The following GABRA2 variants were observed in gnomAD, a reference collection of about 807,000 sequenced individuals.
GABRA2 encodes gamma-aminobutyric acid type A receptor subunit alpha2.
In GABRA2, 16 loss-of-function variants were observed where a neutral mutation model predicts 48.7. The observed-to-expected ratio is 0.33, with a 90% CI of 0.22 to 0.50. GABRA2 has a LOEUF of 0.50. GABRA2 is among the 20% of genes least tolerant of loss of function. GABRA2 has a pLI of 0.98. For synonymous variants in GABRA2, 185 were observed against 184.5 expected (o/e 1.00, Z -0.02); for missense variants, 275 against 535.6 (o/e 0.51, Z 4.80).
chr4:46,325,108 T>C (rs1033427368), intron 4 of GABRA2, among the ~76,000 whole-genome samples: 10 of 152,110 alleles, frequency 6.6e-5, no homozygotes, highest in East Asian at 3.9e-4. Context: ...TAGTATGTAG[T>C]AATAAGCTTG....
intron 4 of GABRA2, among the ~76,000 whole-genome samples, chr4:46,330,752 T>C (rs1731215371): frequency 6.6e-6 from 1 of 151,928 alleles, no homozygotes; most frequent in Admixed American, 6.6e-5. Context: ...CATTTGCCTT[T>C]CTGTTTTGGC....
chr4:46,286,711 A>C (rs578161245), intron 8 of GABRA2, among the ~76,000 whole-genome samples: 1 of 152,158 alleles, frequency 6.6e-6, no homozygotes, highest in Non-Finnish European at 1.5e-5. Context: ...AGTATTGTAC[A>C]TAATTTCATG....
intron 3 of GABRA2, among the ~76,000 whole-genome samples, chr4:46,362,293 G>A (rs1713331554): frequency 6.6e-6 from 1 of 152,132 alleles, no homozygotes; most frequent in African/African-American, 2.4e-5. Flanking sequence ...AAAAGCAGGA[G>A]TTTCGCTGCA....
At chr4:46,282,369 C>A (rs192874520) in intron 8 of GABRA2, among the ~76,000 whole-genome samples, 1 of 152,056 alleles carries the variant, frequency 6.6e-6, no homozygotes, top group African/African-American at 2.4e-5. Flanking sequence ...GACTTTGGGA[C>A]GGGAGACATA....
intron 3 of GABRA2, among the ~76,000 whole-genome samples, chr4:46,372,004 A>G (rs1713861367): frequency 6.6e-6 from 1 of 152,224 alleles, no homozygotes; most frequent in Non-Finnish European, 1.5e-5. Context: ...GGAGCTTGTT[A>G]GAAATGCAGC....
rs558532701 is a variant in GABRA2, at chr4:46,269,637, T to C, written c.857-7509A>G. 1.1e-3 allele frequency among the ~76,000 whole-genome samples: 163 copies of C among 151,994 alleles called. 1 individual carries two copies. The highest frequency in any genetic ancestry group is 3.8e-3 in the African/African-American group (157 of 41,552). ...TAAAAAAAATCAGAAAAGAAACACC[T>C]ACAGTTATCATTTTGGGGAAGAATG... On this transcript the variant is annotated intron_variant, in intron 8 of 9. Transcript: ENST00000381620.
intron 4 of GABRA2, among the ~76,000 whole-genome samples, chr4:46,324,668 G>A (rs2109769799): frequency 6.6e-6 from 1 of 150,900 alleles, no homozygotes; most frequent in East Asian, 2.0e-4. Flanking sequence ...AAATTATTTT[G>A]TCACCCGGGT....
intron 1 of GABRA2, chr4:46,389,355 T>C (rs1017149855): frequency 3.0e-6 from 3 of 985,182 alleles, no homozygotes; most frequent in Non-Finnish European, 3.6e-6. Context: ...CGGGTTCCGA[T>C]CAAGTGCTGC....
In GABRA2 at chr4:46,264,999, A is replaced by G. The variant is rs564603559; in HGVS notation, c.857-2871T>C. On this transcript the variant is annotated intron_variant, in intron 8 of 9. Transcript: ENST00000381620. ...AATTACTTTATACATATATATATAT[A>G]TATGTATAAAGAGAGAGAGAGATAG... 3.4e-3 allele frequency among the ~76,000 whole-genome samples: 477 copies of G among 141,572 alleles called. 13 individuals are homozygous for G. Among genetic ancestry groups the G allele is most frequent in the African/African-American group, 0.012 (430 of 36,846 alleles). 92.9% of individuals were successfully genotyped at this position (141,572 alleles called of 152,430 possible). A position where few individuals can be genotyped will look rare whatever the true frequency, so the allele number is the denominator to read the frequency against.
intron 9 of GABRA2, chr4:46,256,188 T>C: frequency 1.6e-6 from 1 of 638,250 alleles, no homozygotes; most frequent in Non-Finnish European, 2.8e-6. Context: ...AGAAAAGTGA[T>C]ACTTACAGAA....
rs1401059279 is a variant in GABRA2 at position 46,333,205 on chromosome 4, A to G, written c.188-523T>C. On this transcript the variant is annotated intron_variant, in intron 3 of 9. Transcript: ENST00000381620. Reference sequence around the variant, plus strand: ...ATTAATATAAAAAGCTCAATCATTCAGTGACATAAAAATAAAAAATAACAG... The same window carrying G: ...ATTAATATAAAAAGCTCAATCATTCGGTGACATAAAAATAAAAAATAACAG... Among the ~76,000 whole-genome samples, 3 of 152,126 alleles carry G rather than the reference A, an allele frequency of 2.0e-5. No homozygotes were observed. In the East Asian group the frequency reaches 5.8e-4, roughly 29 times the overall value.
rs1473605590 is a variant in GABRA2 at position 46,389,824 on chromosome 4, AG to A, written c.-101del. 1.1e-6 allele frequency: 1 copy of A among 931,140 alleles called. No homozygotes were observed. The highest frequency in any genetic ancestry group is 2.1e-5 in the African/African-American group (1 of 47,796). 57.7% of individuals were successfully genotyped at this position (931,140 alleles called of 1,614,324 possible). ...TTGGGAGAGAGAGAGAGAGAGAGAG[AG>A]AGAGAGAGAGAGAGAGAGAGAGAGA... On this transcript the variant is annotated 5_prime_UTR_variant, in exon 1 of 10. Transcript: ENST00000381620.
intron 3 of GABRA2, among the ~76,000 whole-genome samples, chr4:46,358,866 C>T (rs755357648): frequency 2.6e-4 from 40 of 152,138 alleles, no homozygotes; most frequent in Non-Finnish European, 5.6e-4. Flanking sequence ...ACTTGACTAA[C>T]CATCTGTGAT....
chr4:46,356,981 GT>G (rs141407741), intron 3 of GABRA2, among the ~76,000 whole-genome samples: 10 of 146,286 alleles, frequency 6.8e-5, no homozygotes, highest in Admixed American at 1.4e-4. Flanking sequence ...TTCTGGGTTT[GT>G]TTTTTTTTTG....
In GABRA2 at chr4:46,250,370, AG is replaced by A. The variant is rs762556377; in HGVS notation, c.1293del (p.Phe432LeufsTer3). On this transcript the variant is annotated frameshift_variant, in exon 10 of 10. Transcript: ENST00000381620. LOFTEE classifies it high-confidence loss of function. The part of the protein sequence containing the change: ...SRIVFPVLFG[T>X]FNLVYWATYL... ...TATGTAGCCCAGTAAACTAAATTAA[AG>A]GTACCAAACAAAACTGGAAAAACTA... The A allele has an allele frequency of 6.2e-7, 1 of 1,611,550 alleles. No individual in the cohort carries two copies. Among genetic ancestry groups the A allele is most frequent in the Non-Finnish European group, 8.5e-7 (1 of 1,178,396 alleles).
chr4:46,263,144 T>C (rs1317825893), intron 8 of GABRA2, among the ~76,000 whole-genome samples: 1 of 151,714 alleles, frequency 6.6e-6, no homozygotes, highest in East Asian at 1.9e-4. Context: ...GAAATGAAAA[T>C]AACAAATCAG....
At chr4:46,340,163 A>G (rs1031596606) in intron 3 of GABRA2, among the ~76,000 whole-genome samples, 1 of 151,886 alleles carries the variant, frequency 6.6e-6, no homozygotes, top group Non-Finnish European at 1.5e-5. Context: ...GTCTCTGGGA[A>G]CACTGCTTGC....
intron 4 of GABRA2, among the ~76,000 whole-genome samples, chr4:46,320,126 T>G (rs1729204991): frequency 6.6e-6 from 1 of 151,842 alleles, no homozygotes; most frequent in Admixed American, 6.6e-5. Context: ...TACTCATGGC[T>G]TATGAGAAGT....
chr4:46,334,061 A>G (rs1256134303), intron 3 of GABRA2, among the ~76,000 whole-genome samples: 1 of 152,090 alleles, frequency 6.6e-6, no homozygotes. Context: ...CAAAAACTGT[A>G]TTTTTGAAAT....
Sources: allele counts gnomAD v4.1 joint callset (sites outside exome capture counted in the v4.1 genomes callset), GRCh38; gene constraint gnomAD v4.1.1; transcripts MANE v1.5; gene names NCBI Gene and HGNC (gene_info 2026-07-23, HGNC 2026-07-21).